Variants in FBXO7 observed in about 807,000 individuals in gnomAD.
FBXO7 encodes the protein F-box protein 7, also known as F-box only protein 7.
A neutral mutation model predicts 50.2 loss-of-function variants in FBXO7; 31 were observed. The observed-to-expected ratio is 0.62, with a 90% CI of 0.46 to 0.83. FBXO7 has a LOEUF of 0.83. FBXO7 is among the 40% of genes least tolerant of loss of function. The pLI is 0.00. For missense variants in FBXO7, 667 were observed against 646.6 expected (o/e 1.03, Z -0.34); for synonymous variants, 256 against 253.1 (o/e 1.01, Z -0.11).
intron 6 of FBXO7, 126 bp from the exon 7 acceptor site, chr22:32,492,979 A>G: frequency 1.1e-6 from 1 of 919,120 alleles, no homozygotes; most frequent in South Asian, 1.3e-5. Context: ...CTTGGGGATA[A>G]TTAAGAGTAC....
intron 5 of FBXO7, chr22:32,489,434 C>T (rs952209123): frequency 2.0e-5 from 3 of 152,154 alleles, no homozygotes; most frequent in Admixed American, 2.0e-4. Flanking sequence ...TATTTATCAC[C>T]GTATAGGGAG....
At chr22:32,479,947 G>C (rs2057454222) in intron 2 of FBXO7, among the ~76,000 whole-genome samples, 1 of 152,156 alleles carries the variant, frequency 6.6e-6, no homozygotes, top group African/African-American at 2.4e-5. Context: ...TTTATACCTG[G>C]ATTTTAAATT....
chr22:32,480,397 A>G (rs1291421136), intron 2 of FBXO7, among the ~76,000 whole-genome samples: 1 of 151,976 alleles, frequency 6.6e-6, no homozygotes, highest in Non-Finnish European at 1.5e-5. Context: ...GTCATCTCCA[A>G]TCAGAACAGA....
At chr22:32,478,150 T>C (rs542069912) in intron 1 of FBXO7, 3 of 152,180 alleles carry the variant, frequency 2.0e-5, no homozygotes, top group Admixed American at 6.5e-5. Flanking sequence ...TAGAGAACAG[T>C]GAGAGAGGAT....
intron 1 of FBXO7, chr22:32,475,409 G>A (rs1324282699): frequency 6.2e-7 from 1 of 1,611,046 alleles, no homozygotes; most frequent in Non-Finnish European, 8.5e-7. Flanking sequence ...GTGAGTCATG[G>A]CTTCTGGTTT....
In FBXO7 at chr22:32,485,256, C is replaced by T. The variant is rs76732824; in HGVS notation, c.787+47C>T. Reference sequence around the variant, plus strand: ...GGTTGCTGGTTTATGGATTCTTAGACGTTTCTTTCCAAATGTTTTATAGCC... The same window carrying T: ...GGTTGCTGGTTTATGGATTCTTAGATGTTTCTTTCCAAATGTTTTATAGCC... On this transcript the variant is annotated intron_variant, in intron 4 of 8. Transcript: ENST00000266087. 1,435 of 1,612,100 alleles carry T rather than the reference C, an allele frequency of 8.9e-4. 10 individuals are homozygous for T. Among genetic ancestry groups the T allele is most frequent in the South Asian group, 7.5e-3 (680 of 90,950 alleles).
intron 2 of FBXO7, among the ~76,000 whole-genome samples, chr22:32,479,903 G>T (rs1357040255): frequency 6.6e-6 from 1 of 152,126 alleles, no homozygotes; most frequent in Non-Finnish European, 1.5e-5. Context: ...GGCTATAGAT[G>T]TGGTCTAATT....
At position 32,475,102 on chromosome 22, in the gene FBXO7, C is replaced by T. The variant is rs1481064018; in HGVS notation, c.100C>T (p.Leu34=). The T allele has an allele frequency of 5.8e-6, 9 of 1,545,566 alleles. No homozygotes were observed. Among genetic ancestry groups the T allele is most frequent in the Admixed American group, 2.0e-5 (1 of 50,872 alleles). ...GHLRSHLRQS[L]LCTWGYSSNT... is the part of the protein sequence containing the mutation. ...TTTGCGCTCGCACCTGAGGCAGTCC[C>T]TGCTGTGCACCTGGGGGTACAGGTA... Residue 34 remains leucine (L), a synonymous_variant, in exon 1 of 9, where the codon CTG becomes TTG. Coordinates refer to ENST00000266087, the MANE Select transcript of FBXO7 (RefSeq NM_012179.4).
In FBXO7 at chr22:32,476,472, C is replaced by A. The variant is rs1303130726; in HGVS notation, c.122+1348C>A. Among the ~76,000 whole-genome samples the A allele has an allele frequency of 2.0e-5, 3 of 152,178 alleles. No individual in the cohort carries two copies. In the East Asian group the frequency reaches 5.8e-4, roughly 29 times the overall value. ...ACTGCCCAAAAGGGCACGTTGGTTT[C>A]TCTTTCAGATTTCTTTTTACAGTTG... On this transcript the variant is annotated intron_variant, in intron 1 of 8. Transcript: ENST00000266087.
chr22:32,475,128 CGCTGGG>C lies in FBXO7; in HGVS notation c.122+7_122+12del. The C allele has an allele frequency of 6.5e-7, 1 of 1,537,196 alleles. No individual in the cohort carries two copies. Among genetic ancestry groups the C allele is most frequent in the Non-Finnish European group, 8.8e-7 (1 of 1,141,702 alleles). The stretch of plus-strand genomic sequence containing the variant: ...TGCTGTGCACCTGGGGGTACAGGTA[CGCTGGG>C]GCCGGGGCTGGGCGGCCCGCGGGGA... On this transcript the variant is annotated splice_donor_5th_base_variant and intron_variant, in intron 1 of 8. Transcript: ENST00000266087.
rs1568981097 is a variant in FBXO7 at position 32,498,200 on chromosome 22, G to A, written c.1239G>A (p.Met413Ile). The change falls in exon 9 of 9, where the codon ATG (methionine) becomes ATA (isoleucine). Residue 413 changes from methionine (M) to isoleucine (I), a missense_variant. Transcript: ENST00000266087. ...AATCCCCGAAAGGGCGGTTTGTGATGCTCCTGCCATCGTCAACTCACACCA... is the reference window on the plus strand; with the variant it reads ...AATCCCCGAAAGGGCGGTTTGTGATACTCCTGCCATCGTCAACTCACACCA... ...RKESPKGRFV[M>I]LLPSSTHTIP... The A allele has an allele frequency of 6.2e-7, 1 of 1,614,202 alleles. No individual in the cohort carries two copies. The highest frequency in any genetic ancestry group is 8.5e-7 in the Non-Finnish European group (1 of 1,180,030).
intron 2 of FBXO7, 100 bp downstream of exon 2, chr22:32,479,375 A>T: frequency 1.6e-5 from 16 of 997,276 alleles, no homozygotes; most frequent in Non-Finnish European, 2.4e-5. Flanking sequence ...TCATCGATAG[A>T]TTGCACATTT....
chr22:32,475,169 G>A (rs1274032053), intron 1 of FBXO7, 45 bp downstream of exon 1: 3 of 1,529,880 alleles, frequency 2.0e-6, no homozygotes, highest in Admixed American at 2.0e-5. Flanking sequence ...AGTGGGGAGT[G>A]CTTGGGGTGG....
Position 32,498,284 on chromosome 22 carries a change from A to G in FBXO7, c.1323A>G (p.Pro441=). 1 of 1,614,164 alleles carries G rather than the reference A, an allele frequency of 6.2e-7. No homozygotes were observed. The highest frequency in any genetic ancestry group is 8.5e-7 in the Non-Finnish European group (1 of 1,180,028). The stretch of plus-strand genomic sequence containing the variant: ...CATTTCCTAGCTCCCGCCTTCCTCC[A>G]GGAATTATCGGGGGTGAATATGACC... ...PRPFPSSRLP[P]GIIGGEYDQR... is the part of the protein sequence containing the mutation. Residue 441 remains proline, a synonymous_variant, in exon 9 of 9, where the codon CCA becomes CCG. Transcript: ENST00000266087.
intron 1 of FBXO7, 89 bp downstream of exon 1, chr22:32,475,213 A>G: frequency 6.6e-7 from 1 of 1,509,946 alleles, no homozygotes; most frequent in Non-Finnish European, 8.8e-7. Flanking sequence ...TGTGGGCTGC[A>G]GGCGCGGGCG....
At chr22:32,494,491 G>A (rs773475386) in intron 7 of FBXO7, among the ~76,000 whole-genome samples, 24 of 151,830 alleles carry the variant, frequency 1.6e-4, no homozygotes, top group South Asian at 6.3e-4. Context: ...GTAGGCATGC[G>A]CCCCCACACC....
intron 6 of FBXO7, chr22:32,491,410 TTGATA>T: frequency 2.1e-6 from 1 of 466,562 alleles, no homozygotes. Context: ...ACTATAATTG[TTGATA>T]TGATTTCTTT....
chr22:32,488,639 A>G (rs1353518889), intron 5 of FBXO7: 1 of 152,260 alleles, frequency 6.6e-6, no homozygotes, highest in African/African-American at 2.4e-5. Context: ...AAGGCTGGCT[A>G]GATTGACATT....
Position 32,479,074 on chromosome 22 carries a change from CT to C in FBXO7, c.218del (p.Leu73Ter). On this transcript the variant is annotated frameshift_variant, in exon 2 of 9. Transcript: ENST00000266087. LOFTEE classifies it high-confidence loss of function. Reference protein sequence around the residue: ...LASYGIVSGDLICLILQDDIP... With the variant: ...LASYGIVSGDXICLILQDDIP... ...CTTCATATGGGATTGTTTCTGGGGA[CT>C]TGATATGTTTGATTCTTCAAGATGA... The C allele has an allele frequency of 6.2e-7, 1 of 1,614,156 alleles. No homozygotes were observed. Among genetic ancestry groups the C allele is most frequent in the South Asian group, 1.1e-5 (1 of 91,078 alleles).
Sources: gnomAD v4.1 joint callset for allele counts (sites outside exome capture counted in the v4.1 genomes callset) on GRCh38, gnomAD v4.1.1 for gene constraint, MANE v1.5 for transcripts, NCBI Gene and HGNC (gene_info 2026-07-23, HGNC 2026-07-21) for gene names.